The following ABCB5 variants were observed in gnomAD, a reference collection of about 807,000 sequenced individuals.
The protein encoded by ABCB5 is ATP-binding cassette sub-family B member 5.
A neutral mutation model predicts 144.2 loss-of-function variants in ABCB5; 155 were observed. The observed-to-expected ratio is 1.08, with a 90% confidence interval of 0.94 to 1.23. The LOEUF is 1.23. Among genes scored for constraint, ABCB5 ranks in the 50% most tolerant of loss-of-function variants. The probability of loss-of-function intolerance (pLI) is 0.00; values close to 1 mark genes in which losing one functional copy is unlikely to be tolerated. For missense variants in ABCB5, 1,830 were observed against 1,520.8 expected (o/e 1.20, Z -3.38); for synonymous variants, 610 against 528.6 (o/e 1.15, Z -2.11).
Position 20,646,026 on chromosome 7 carries a change from C to A in ABCB5, c.869C>A (p.Ser290Tyr). The A allele has an allele frequency of 6.2e-7, 1 of 1,613,808 alleles. No homozygotes were observed. Among genetic ancestry groups the A allele is most frequent in the South Asian group, 1.1e-5 (1 of 91,074 alleles). The change falls in exon 9 of 28, where the codon TCT becomes TAT. Residue 290 changes from serine (S) to tyrosine (Y), a missense_variant. Physicochemically the swap from Ser to Tyr is moderately radical, Grantham distance 144. Transcript: ENST00000404938. ...GIKRTIASKV[S>Y]LGAVYFFMNG... The stretch of plus-strand genomic sequence containing the variant: ...AAAAGGACTATAGCTTCAAAAGTGT[C>A]TCTTGGTGCTGTGTACTTCTTTATG...
chr7:20,683,015 G>A (rs369456392), intron 15 of ABCB5, among the ~76,000 whole-genome samples: 56 of 152,080 alleles, frequency 3.7e-4, no homozygotes, highest in African/African-American at 1.1e-3. Context: ...TTTTTTCGAA[G>A]GGCTCTTCTA....
chr7:20,736,855 CCT>C (rs143996666), intron 23 of ABCB5, among the ~76,000 whole-genome samples: 31,910 of 152,052 alleles, frequency 0.21, 3,444 homozygotes, highest in African/African-American at 0.21. Flanking sequence ...CCTTGGCCTA[CCT>C]TTATACAGAA....
In ABCB5 at chr7:20,666,229, C is replaced by T. The variant is rs116169418; in HGVS notation, c.1707+7553C>T. 8.6e-3 allele frequency among the ~76,000 whole-genome samples: 1,314 copies of T among 152,040 alleles called. 17 individuals are homozygous for T. Among genetic ancestry groups the T allele is most frequent in the African/African-American group, 0.03 (1,240 of 41,476 alleles). On this transcript the variant is annotated intron_variant, in intron 14 of 27. Transcript: ENST00000404938. ...CACTACATCATGGAGTACATGTCAC[C>T]GATGAGCCCCAAATCCAACTGAGGC...
chr7:20,669,869 C>A, intron 14 of ABCB5, among the ~76,000 whole-genome samples: 1 of 12,558 alleles, frequency 8.0e-5, no homozygotes, highest in Admixed American at 1.2e-3. Flanking sequence ...TACATACCAA[C>A]CCAACAACAG....
chr7:20,654,015 C>A (rs1263695993), intron 13 of ABCB5, among the ~76,000 whole-genome samples: 3 of 152,284 alleles, frequency 2.0e-5, no homozygotes, highest in Non-Finnish European at 2.9e-5. Flanking sequence ...AACCCTGAGA[C>A]CAAGCCATGA....
chr7:20,713,174 G>C (rs1433927538), intron 20 of ABCB5, among the ~76,000 whole-genome samples: 2 of 148,990 alleles, frequency 1.3e-5, no homozygotes, highest in Admixed American at 6.7e-5. Flanking sequence ...TTCTGGGTTG[G>C]TGTCCATGGA....
chr7:20,623,255 T>G lies in ABCB5; in HGVS notation c.-21-10T>G. 2.8e-6 allele frequency: 4 copies of G among 1,439,206 alleles called. No homozygotes were observed. The highest frequency in any genetic ancestry group is 3.8e-6 in the Non-Finnish European group (4 of 1,045,526). The allele number at this position is 1,439,206 out of a possible 1,614,324, so 89.2% of individuals were successfully genotyped here. A position where few individuals can be genotyped will look rare whatever the true frequency, so the allele number is the denominator to read the frequency against. ...ATAGCCATAATACATTTGTTAAAAT[T>G]GTATTTCAGAAGAAGTAAATTGTAA... On this transcript the variant is annotated splice_polypyrimidine_tract_variant and intron_variant, in intron 1 of 27. Coordinates refer to ENST00000404938, the MANE Select transcript of ABCB5 (RefSeq NM_001163941.2).
At chr7:20,624,845 T>C (rs1783873599) in intron 2 of ABCB5, among the ~76,000 whole-genome samples, 1 of 152,264 alleles carries the variant, frequency 6.6e-6, no homozygotes, top group African/African-American at 2.4e-5. Context: ...ATCAGTTTCC[T>C]CTGGGCGCCT....
intron 14 of ABCB5, among the ~76,000 whole-genome samples, chr7:20,671,372 C>G (rs763829448): frequency 3.3e-5 from 5 of 152,102 alleles, no homozygotes; most frequent in Admixed American, 6.5e-5. Flanking sequence ...CATATTAAAA[C>G]ATATGATTGG....
At chr7:20,636,036 ATTT>A (rs1018081168) in intron 5 of ABCB5, among the ~76,000 whole-genome samples, 8 of 152,032 alleles carry the variant, frequency 5.3e-5, no homozygotes, top group African/African-American at 1.9e-4. Context: ...GATACTGAAC[ATTT>A]TTTTCATCAT....
Position 20,646,093 on chromosome 7 carries a change from G to T in ABCB5, c.936G>T (p.Leu312Phe), listed in dbSNP as rs1784401376. The change falls in exon 9 of 28, where the codon TTG (leucine) becomes TTT (phenylalanine). Residue 312 changes from leucine (L) to phenylalanine (F), a missense_variant. Coordinates refer to ENST00000404938, the MANE Select transcript of ABCB5 (RefSeq NM_001163941.2). Reference sequence around the variant, plus strand: ...TTGCTTTTTGGTATGGAACCTCCTTGATTCTTAATGGAGAACCTGGATATA... The same window carrying T: ...TTGCTTTTTGGTATGGAACCTCCTTTATTCTTAATGGAGAACCTGGATATA... The part of the protein sequence containing the change: ...YGLAFWYGTS[L>F]ILNGEPGYTI... 4 of 1,613,724 alleles carry T rather than the reference G, an allele frequency of 2.5e-6. No homozygotes were observed. Among genetic ancestry groups the T allele is most frequent in the South Asian group, 2.2e-5 (2 of 91,068 alleles).
chr7:20,702,647 T>C (rs1307785980), intron 19 of ABCB5, among the ~76,000 whole-genome samples: 1 of 142,676 alleles, frequency 7.0e-6, no homozygotes, highest in Non-Finnish European at 1.5e-5. Context: ...TAGTATTACA[T>C]ATAATGGATT....
At chr7:20,704,621 G>C in intron 19 of ABCB5, 103 bp from the exon 20 acceptor site, 2 of 758,340 alleles carry the variant, frequency 2.6e-6, no homozygotes, top group Admixed American at 2.4e-5. Context: ...GTACCTGTGA[G>C]TGAGGAGGCA....
chr7:20,719,722 G>A (rs1781800618), intron 20 of ABCB5, among the ~76,000 whole-genome samples: 1 of 152,124 alleles, frequency 6.6e-6, no homozygotes, highest in Non-Finnish European at 1.5e-5. Context: ...GAGAGCAGAT[G>A]GGTTACCCAT....
chr7:20,704,419 T>G (rs1205157139), intron 19 of ABCB5, among the ~76,000 whole-genome samples: 1 of 152,152 alleles, frequency 6.6e-6, no homozygotes, highest in African/African-American at 2.4e-5. Flanking sequence ...AAATGACTTA[T>G]GGAATAAAAT....
chr7:20,632,876 G>T (rs1784068777), intron 5 of ABCB5, among the ~76,000 whole-genome samples: 1 of 141,440 alleles, frequency 7.1e-6, no homozygotes, highest in African/African-American at 2.6e-5. Flanking sequence ...TTGGGGGAGG[G>T]GGGAGGGATA....
At chr7:20,696,689 T>C (rs775769984) in intron 16 of ABCB5, among the ~76,000 whole-genome samples, 1 of 152,114 alleles carries the variant, frequency 6.6e-6, no homozygotes, top group Non-Finnish European at 1.5e-5. Context: ...TCTCTTTATG[T>C]CTATAATTTT....
At chr7:20,710,934 G>T (rs1787005660) in intron 20 of ABCB5, among the ~76,000 whole-genome samples, 1 of 149,714 alleles carries the variant, frequency 6.7e-6, no homozygotes, top group Non-Finnish European at 1.5e-5. Context: ...AAGTGATATT[G>T]CTAAGTATAA....
rs1453208760 is a variant in ABCB5, at chr7:20,628,821, T to C, written c.242T>C (p.Leu81Pro). 2.5e-6 allele frequency: 4 copies of C among 1,613,748 alleles called. No homozygotes were observed. The highest frequency in any genetic ancestry group is 1.1e-5 in the South Asian group (1 of 91,070). ...AGTGATAACCTTATTAGTGGATGTC[T>C]AGTCCAAACTAACACAAGTGAGTAT... ...EMSDNLISGC[L>P]VQTNTTNYQN... Residue 81 changes from leucine (L) to proline (P), a missense_variant, in exon 4 of 28, where the codon CTA (leucine) becomes CCA (proline). Leu to Pro is a moderately conservative substitution (Grantham distance 98). Coordinates refer to ENST00000404938, the MANE Select transcript of ABCB5 (RefSeq NM_001163941.2).
Sources: allele counts gnomAD v4.1 joint callset (sites outside exome capture counted in the v4.1 genomes callset), GRCh38; gene constraint gnomAD v4.1.1; transcripts MANE v1.5; gene names NCBI Gene and HGNC (gene_info 2026-07-23, HGNC 2026-07-21).